CCPG1: variants seen among roughly 807,000 people sequenced by gnomAD.
CCPG1 encodes the protein cell cycle progression 1, also known as cell cycle progression protein 1.
A neutral mutation model predicts 81.3 loss-of-function variants in CCPG1; 46 were observed. The ratio of observed to expected loss-of-function variants is 0.57; its 90% confidence interval spans 0.45 to 0.72. The LOEUF is 0.72. Ranked by LOEUF, CCPG1 falls within the 30% of genes least tolerant of loss-of-function variation. CCPG1 has a pLI of 0.00. For synonymous variants in CCPG1, 330 were observed against 305.2 expected, an observed-to-expected ratio of 1.08 and a Z score of -0.85; for missense variants, 902 against 937.6, an observed-to-expected ratio of 0.96 and a Z score of 0.50.
rs754489087 is a variant in CCPG1, at chr15:55,367,062, G to A, written c.707-1753C>T. Among the ~76,000 whole-genome samples the A allele has an allele frequency of 5.3e-5, 8 of 152,102 alleles. No individual in the cohort carries two copies. In the South Asian group the frequency reaches 1.5e-3, roughly 28 times the overall value. ...TTGAAAAACACCAAAAACAACTTTT[G>A]CCAATTTACAGGTAACTGTTACATA... On this transcript the variant is annotated intron_variant, in intron 6 of 8. Transcript: ENST00000442196.
chr15:55,387,094 T>G (rs1463804498), intron 2 of CCPG1, among the ~76,000 whole-genome samples: 2 of 152,098 alleles, frequency 1.3e-5, no homozygotes, highest in Non-Finnish European at 2.9e-5. Context: ...GAGACACATG[T>G]AAGAGAAATT....
intron 2 of CCPG1, among the ~76,000 whole-genome samples, chr15:55,388,095 G>A (rs1458365966): frequency 6.6e-6 from 1 of 151,888 alleles, no homozygotes; most frequent in African/African-American, 2.4e-5. Flanking sequence ...AGGTTGCTGT[G>A]AGCCGAGATT....
intron 1 of CCPG1, among the ~76,000 whole-genome samples, chr15:55,390,266 T>C (rs1446121427): frequency 6.6e-6 from 1 of 152,110 alleles, no homozygotes; most frequent in African/African-American, 2.4e-5. Context: ...AATACTTCAG[T>C]TGTGTTAAAG....
At chr15:55,383,452 C>T (rs2056741082) in intron 3 of CCPG1, among the ~76,000 whole-genome samples, 1 of 152,200 alleles carries the variant, frequency 6.6e-6, no homozygotes, top group African/African-American at 2.4e-5. Flanking sequence ...CTTAAAGTCA[C>T]CAGCTACATT....
chr15:55,360,015 A>G lies in CCPG1; in HGVS notation c.1758T>C (p.Pro586=). 11 of 1,613,436 alleles carry G rather than the reference A, an allele frequency of 6.8e-6. No homozygotes were observed. The highest frequency in any genetic ancestry group is 1.1e-5 in the South Asian group (1 of 91,004). The part of the protein sequence containing the change: ...APTENHHNRG[P]TMQNDGRKEK... The stretch of plus-strand genomic sequence containing the variant: ...CTTTCCTTCCATCATTTTGCATAGT[A>G]GGGCCTCTATTATGATGGTTTTCTG... The change falls in exon 8 of 9, where the codon CCT becomes CCC. Residue 586 remains proline, a synonymous_variant. Coordinates refer to ENST00000442196, the MANE Select transcript of CCPG1 (RefSeq NM_001204450.2).
At chr15:55,392,842 C>T (rs76331559) in intron 1 of CCPG1, among the ~76,000 whole-genome samples, 9 of 152,158 alleles carry the variant, frequency 5.9e-5, no homozygotes, top group African/African-American at 2.2e-4. Flanking sequence ...CAGTGGCTCA[C>T]GCCTATAATC....
At chr15:55,407,044 C>CCCCG (rs1555411243) in intron 1 of CCPG1, among the ~76,000 whole-genome samples, 1 of 135,696 alleles carries the variant, frequency 7.4e-6, no homozygotes, top group South Asian at 2.3e-4. Context: ...GAGACCCCCC[C>CCCCG]CCCCGCCCCG....
At chr15:55,396,109 GC>G (rs2057012123) in intron 1 of CCPG1, among the ~76,000 whole-genome samples, 1 of 144,162 alleles carries the variant, frequency 6.9e-6, no homozygotes. Flanking sequence ...AGCCAAGATC[GC>G]ACCACTGCAC....
At chr15:55,392,208 T>C (rs1033145654) in intron 1 of CCPG1, among the ~76,000 whole-genome samples, 1 of 129,432 alleles carries the variant, frequency 7.7e-6, no homozygotes, top group African/African-American at 3.0e-5. Flanking sequence ...AGATCAGATT[T>C]GATTTTTTTT....
intron 1 of CCPG1, chr15:55,398,192 CATAAAAT>C (rs1449694760): frequency 1.3e-5 from 2 of 152,118 alleles, no homozygotes; most frequent in East Asian, 3.8e-4. Flanking sequence ...AATTTTACCT[CATAAAAT>C]ATAACTGGAA....
At chr15:55,357,388 T>C in intron 8 of CCPG1, 1 of 985,514 alleles carries the variant, frequency 1.0e-6, no homozygotes, top group Non-Finnish European at 1.2e-6. Flanking sequence ...CTCATGTCTG[T>C]ATTATATTGA....
intron 3 of CCPG1, among the ~76,000 whole-genome samples, chr15:55,384,786 A>G (rs1237590584): frequency 6.6e-6 from 1 of 152,250 alleles, no homozygotes; most frequent in Non-Finnish European, 1.5e-5. Context: ...GGGTTGCCAC[A>G]AACTTTCAAT....
At chr15:55,357,286 T>A (rs2056099841) in intron 8 of CCPG1, 1 of 981,828 alleles carries the variant, frequency 1.0e-6, no homozygotes, top group Non-Finnish European at 1.2e-6. Context: ...ACTTTCTACT[T>A]CTCCTTCACA....
At chr15:55,403,656 A>G (rs1267387585) in intron 1 of CCPG1, among the ~76,000 whole-genome samples, 1 of 152,214 alleles carries the variant, frequency 6.6e-6, no homozygotes, top group East Asian at 1.9e-4. Flanking sequence ...GATGCAATAC[A>G]TTGCAAATGA....
chr15:55,381,990 G>T (rs1041256543), intron 3 of CCPG1, among the ~76,000 whole-genome samples: 4 of 152,202 alleles, frequency 2.6e-5, no homozygotes, highest in Non-Finnish European at 5.9e-5. Flanking sequence ...ATAACATCAT[G>T]TCTAAAAAAC....
At chr15:55,382,837 G>A (rs1424561458) in intron 3 of CCPG1, among the ~76,000 whole-genome samples, 1 of 152,060 alleles carries the variant, frequency 6.6e-6, no homozygotes, top group African/African-American at 2.4e-5. Flanking sequence ...TAATTCTCTT[G>A]CTACTTCTAC....
intron 1 of CCPG1, among the ~76,000 whole-genome samples, chr15:55,407,395 G>T (rs1314017103): frequency 6.6e-6 from 1 of 152,120 alleles, no homozygotes; most frequent in African/African-American, 2.4e-5. Context: ...AAGATACGAT[G>T]CAGTAATAGC....
Position 55,362,165 on chromosome 15 carries a change from TAAAC to T in CCPG1, c.829-1225_829-1222del, listed in dbSNP as rs1195593647. ...AATCTAACCAAAAACAGTCAAAACT[TAAAC>T]AATATGGTTCAACAGGTTCTTAAAG... is the stretch of plus-strand genomic sequence containing the variant. On this transcript the variant is annotated intron_variant, in intron 7 of 8. Transcript: ENST00000442196. Among the ~76,000 whole-genome samples the T allele has an allele frequency of 2.0e-5, 3 of 152,246 alleles. No homozygotes were observed. The East Asian group carries it at 5.8e-4, about 29-fold the overall frequency.
At chr15:55,370,364 G>A (rs775266426) in intron 6 of CCPG1, among the ~76,000 whole-genome samples, 2 of 152,196 alleles carry the variant, frequency 1.3e-5, no homozygotes, top group Non-Finnish European at 2.9e-5. Context: ...TGTAAAGCAA[G>A]CTAAAATTTG....
Sources: gnomAD v4.1 joint callset for allele counts (sites outside exome capture counted in the v4.1 genomes callset) on GRCh38, gnomAD v4.1.1 for gene constraint, MANE v1.5 for transcripts, NCBI Gene and HGNC (gene_info 2026-07-23, HGNC 2026-07-21) for gene names.